DTNB: variants seen among roughly 807,000 people sequenced by gnomAD.
The protein encoded by DTNB is DTN-B.
A neutral mutation model predicts 90.7 loss-of-function variants in DTNB; 63 were observed. The ratio of observed to expected loss-of-function variants is 0.69; its 90% CI spans 0.57 to 0.86. DTNB has a LOEUF of 0.86. Among genes scored for constraint, DTNB ranks in the 40% least tolerant of loss-of-function variants. The pLI, the probability that DTNB is intolerant of heterozygous loss-of-function variation, is 0.00. For missense variants in DTNB, 744 were observed against 807.1 expected (o/e 0.92, Z 0.95); for synonymous variants, 277 against 286.7 (o/e 0.97, Z 0.34).
At chr2:25,408,295 G>A (rs1181863476) in intron 16 of DTNB, among the ~76,000 whole-genome samples, 25 of 150,494 alleles carry the variant, frequency 1.7e-4, no homozygotes, top group Admixed American at 1.7e-3. Context: ...GGCAACAAGA[G>A]CGAGACTCTG....
intron 4 of DTNB, among the ~76,000 whole-genome samples, chr2:25,609,533 G>A (rs1243337509): frequency 6.6e-6 from 1 of 150,430 alleles, no homozygotes; most frequent in Non-Finnish European, 1.5e-5. Context: ...AGGAGGCGGA[G>A]GTTGCAGTGA....
chr2:25,612,181 C>G (rs2068817408), intron 4 of DTNB, among the ~76,000 whole-genome samples: 1 of 151,872 alleles, frequency 6.6e-6, no homozygotes, highest in Admixed American at 6.6e-5. Context: ...GTGAAGACTG[C>G]TATCACAAAA....
Position 25,434,031 on chromosome 2 carries a change from T to C in DTNB, c.1258-36A>G, listed in dbSNP as rs776071843. ...GAAGTCGGGAGAAAGTTTTTTTTTT[T>C]CTGATCCAAATATACCCAGAGTTCT... On this transcript the variant is annotated intron_variant, in intron 12 of 20. Transcript: ENST00000406818. 24 of 1,577,956 alleles carry C rather than the reference T, an allele frequency of 1.5e-5. 1 individual carries two copies. In the South Asian group the frequency reaches 2.3e-4, roughly 15 times the overall value.
In DTNB at chr2:25,500,301, G is replaced by T. The variant is rs148405588; in HGVS notation, c.1002-17428C>A. On this transcript the variant is annotated intron_variant, in intron 9 of 20. Transcript: ENST00000406818. ...ACTGACATGAATTTTAAATGGAAAA[G>T]ATATCCAGACAAGGAATTCAAAGAA... Among the ~76,000 whole-genome samples, 997 of 152,270 alleles carry T rather than the reference G, an allele frequency of 6.5e-3. 11 individuals are homozygous for T. Among genetic ancestry groups the T allele is most frequent in the African/African-American group, 0.021 (863 of 41,546 alleles).
chr2:25,671,708 C>T (rs2085954763), intron 1 of DTNB, among the ~76,000 whole-genome samples: 1 of 152,232 alleles, frequency 6.6e-6, no homozygotes, highest in Non-Finnish European at 1.5e-5. Flanking sequence ...ACTACCTTGA[C>T]TGCACAACCC....
chr2:25,617,250 C>T (rs2071002424), intron 4 of DTNB, among the ~76,000 whole-genome samples: 1 of 152,082 alleles, frequency 6.6e-6, no homozygotes, highest in African/African-American at 2.4e-5. Context: ...TGTATAAGCA[C>T]AGTGGAAGGA....
At chr2:25,458,478 TC>T (rs1288730981) in intron 10 of DTNB, among the ~76,000 whole-genome samples, 4 of 151,754 alleles carry the variant, frequency 2.6e-5, no homozygotes, top group African/African-American at 9.7e-5. Flanking sequence ...ACGTAACATG[TC>T]TTTTTTTTAG....
intron 9 of DTNB, among the ~76,000 whole-genome samples, chr2:25,505,954 TTGG>T (rs1454569482): frequency 6.6e-6 from 1 of 152,198 alleles, no homozygotes; most frequent in Non-Finnish European, 1.5e-5. Flanking sequence ...GGTATACTAC[TTGG>T]TGGTAAAAAG....
chr2:25,563,915 G>A (rs2058624762), intron 8 of DTNB, among the ~76,000 whole-genome samples: 1 of 151,936 alleles, frequency 6.6e-6, no homozygotes, highest in African/African-American at 2.4e-5. Context: ...TTTTGAGACG[G>A]AGTCTCACTC....
intron 12 of DTNB, among the ~76,000 whole-genome samples, chr2:25,449,160 G>A (rs945477820): frequency 5.9e-5 from 9 of 152,076 alleles, no homozygotes; most frequent in Admixed American, 3.3e-4. Context: ...CACCAATGTC[G>A]TTGCATGTAT....
At chr2:25,620,333 A>G (rs1454903216) in intron 4 of DTNB, among the ~76,000 whole-genome samples, 1 of 152,182 alleles carries the variant, frequency 6.6e-6, no homozygotes, top group Non-Finnish European at 1.5e-5. Context: ...TGAAGTGGGA[A>G]GTTACATGAT....
intron 9 of DTNB, among the ~76,000 whole-genome samples, chr2:25,516,392 A>T (rs1253786919): frequency 1.3e-5 from 2 of 152,162 alleles, no homozygotes; most frequent in East Asian, 3.9e-4. Flanking sequence ...GACCACAGGC[A>T]TGCATCACCC....
At chr2:25,397,599 G>A (rs1026009523) in intron 16 of DTNB, among the ~76,000 whole-genome samples, 1 of 152,040 alleles carries the variant, frequency 6.6e-6, no homozygotes, top group Non-Finnish European at 1.5e-5. Flanking sequence ...ACAAAAATGG[G>A]CCGGGCCCGG....
chr2:25,487,170 AT>A (rs2066379671), intron 9 of DTNB, among the ~76,000 whole-genome samples: 1 of 152,220 alleles, frequency 6.6e-6, no homozygotes, highest in Admixed American at 6.5e-5. Flanking sequence ...CTAACTGTAT[AT>A]AGATGGAGAC....
rs146352369 is a variant in DTNB, at chr2:25,589,679, T to A, written c.603+6407A>T. On this transcript the variant is annotated intron_variant, in intron 6 of 20. Transcript: ENST00000406818. ...GAGCCACCATGCCCAGCCTCAGGTT[T>A]CCTTTTCATAAAGATAGGCATCAAA... is the stretch of plus-strand genomic sequence containing the variant. Among the ~76,000 whole-genome samples, 32 of 152,238 alleles carry A rather than the reference T, an allele frequency of 2.1e-4. No individual in the cohort carries two copies. The East Asian group carries it at 5.8e-3, about 28-fold the overall frequency.
At chr2:25,426,098 T>C (rs1474584838) in intron 15 of DTNB, among the ~76,000 whole-genome samples, 2 of 152,220 alleles carry the variant, frequency 1.3e-5, no homozygotes, top group Non-Finnish European at 2.9e-5. Context: ...TAATATGCTA[T>C]CTTACTCTTA....
chr2:25,419,559 A>G (rs1011788910), intron 15 of DTNB, 24 bp from the exon 16 acceptor site: 1 of 1,553,036 alleles, frequency 6.4e-7, no homozygotes, highest in African/African-American at 1.4e-5. Context: ...GATGAAAAAA[A>G]AAGGCAGAGG....
chr2:25,405,521 C>T (rs774870339), intron 16 of DTNB, among the ~76,000 whole-genome samples: 1 of 151,926 alleles, frequency 6.6e-6, no homozygotes, highest in Non-Finnish European at 1.5e-5. Flanking sequence ...CCCTGGGTGA[C>T]AGAACAAGAC....
At chr2:25,456,900 C>A (rs534734428) in intron 10 of DTNB, among the ~76,000 whole-genome samples, 191 of 151,958 alleles carry the variant, frequency 1.3e-3, no homozygotes, top group Non-Finnish European at 1.8e-3. Flanking sequence ...AACTCTCCTA[C>A]CTTTGGCCAG....
Sources: allele counts gnomAD v4.1 joint callset (sites outside exome capture counted in the v4.1 genomes callset), GRCh38; gene constraint gnomAD v4.1.1; transcripts MANE v1.5; gene names NCBI Gene and HGNC (gene_info 2026-07-23, HGNC 2026-07-21).